Variants in UBE2H observed in about 807,000 individuals in gnomAD.
The protein encoded by UBE2H is ubiquitin conjugating enzyme E2 H, also known as ubiquitin-conjugating enzyme E2 H.
In UBE2H, 3 loss-of-function variants were observed where a neutral mutation model predicts 29.0. That is an observed-to-expected ratio of 0.10 (90% confidence interval 0.05 to 0.27). The LOEUF is 0.27. UBE2H is among the 10% of genes least tolerant of loss of function. The pLI, the probability that UBE2H is intolerant of heterozygous loss-of-function variation, is 1.00. For synonymous variants in UBE2H, 69 were observed against 82.9 expected (o/e 0.83, Z 0.91); for missense variants, 68 against 228.2 (o/e 0.30, Z 4.52).
intron 3 of UBE2H, among the ~76,000 whole-genome samples, chr7:129,871,141 T>TA (rs1288054430): frequency 1.1e-4 from 16 of 152,216 alleles, no homozygotes; most frequent in Admixed American, 2.6e-4. Flanking sequence ...CATAAAGTAT[T>TA]AAGAGAGCAA....
intron 1 of UBE2H, among the ~76,000 whole-genome samples, chr7:129,931,669 GAA>G (rs1464747972): frequency 1.3e-5 from 2 of 152,038 alleles, no homozygotes; most frequent in African/African-American, 4.8e-5. Context: ...AATGTAATTG[GAA>G]AAGAGTACTT....
chr7:129,893,662 A>T (rs1458852555), intron 1 of UBE2H, among the ~76,000 whole-genome samples: 2 of 152,252 alleles, frequency 1.3e-5, no homozygotes. Context: ...AAATATTTAG[A>T]AGCTAGAAGG....
chr7:129,896,116 C>T (rs1806595181), intron 1 of UBE2H, among the ~76,000 whole-genome samples: 1 of 151,836 alleles, frequency 6.6e-6, no homozygotes, highest in Non-Finnish European at 1.5e-5. Context: ...GCAGGTAGAT[C>T]ATCTGAGGTT....
rs1309628545 is a variant in UBE2H, at chr7:129,952,753, C to A, written c.-198G>T. The A allele has an allele frequency of 2.4e-6, 1 of 421,300 alleles. No individual in the cohort carries two copies. The allele number at this position is 421,300 out of a possible 1,614,324, so 26.1% of individuals were successfully genotyped here. ...CTGTCCGGCCGGGTGGGGGTGGGGA[C>A]CCTGCGGCGCCCGGCTCGGGCTGCC... On this transcript the variant is annotated 5_prime_UTR_variant, in exon 1 of 7. Coordinates refer to ENST00000355621, the MANE Select transcript of UBE2H (RefSeq NM_003344.4).
At chr7:129,899,337 A>G (rs1224297354) in intron 1 of UBE2H, among the ~76,000 whole-genome samples, 1 of 152,232 alleles carries the variant, frequency 6.6e-6, no homozygotes, top group Non-Finnish European at 1.5e-5. Context: ...TCTAACTACC[A>G]TCACCTAAGC....
At chr7:129,925,824 A>T (rs1807257327) in intron 1 of UBE2H, among the ~76,000 whole-genome samples, 1 of 152,152 alleles carries the variant, frequency 6.6e-6, no homozygotes, top group South Asian at 2.1e-4. Flanking sequence ...TGCACTGAAG[A>T]GGGCTGGGAA....
At chr7:129,865,255 A>G (rs1285975445) in intron 3 of UBE2H, among the ~76,000 whole-genome samples, 4 of 152,076 alleles carry the variant, frequency 2.6e-5, no homozygotes, top group African/African-American at 9.7e-5. Flanking sequence ...ACATTGTGCT[A>G]AGTCATGCTG....
intron 1 of UBE2H, among the ~76,000 whole-genome samples, chr7:129,887,811 G>A (rs1806394799): frequency 6.6e-6 from 1 of 151,996 alleles, no homozygotes; most frequent in African/African-American, 2.4e-5. Flanking sequence ...AGATTACGGT[G>A]AGCCAAAGTT....
chr7:129,837,620 G>A (rs1805354943), intron 6 of UBE2H, among the ~76,000 whole-genome samples: 1 of 151,784 alleles, frequency 6.6e-6, no homozygotes, highest in South Asian at 2.1e-4. Flanking sequence ...GAGGGGGCGG[G>A]GGGTTGGGGG....
chr7:129,872,768 G>T (rs1245821931), intron 3 of UBE2H, among the ~76,000 whole-genome samples: 2 of 148,648 alleles, frequency 1.3e-5, no homozygotes, highest in Non-Finnish European at 3.0e-5. Context: ...GCTTGAACCC[G>T]GGAGGCAGAG....
intron 1 of UBE2H, among the ~76,000 whole-genome samples, chr7:129,926,529 G>T (rs1349559123): frequency 1.3e-5 from 2 of 150,308 alleles, no homozygotes; most frequent in Non-Finnish European, 3.0e-5. Context: ...AAAGAAAAAA[G>T]AAACTCCTGG....
At chr7:129,858,978 C>T (rs1270176364) in intron 3 of UBE2H, 37 bp from the exon 4 acceptor site, 2 of 1,548,386 alleles carry the variant, frequency 1.3e-6, no homozygotes, top group African/African-American at 1.4e-5. Context: ...CAAAAAGTAT[C>T]CAGAGAACAA....
At chr7:129,863,550 G>C (rs928385623) in intron 3 of UBE2H, among the ~76,000 whole-genome samples, 1 of 152,156 alleles carries the variant, frequency 6.6e-6, no homozygotes, top group Non-Finnish European at 1.5e-5. Context: ...AGGAATTATG[G>C]GGAAATATCC....
At chr7:129,841,604 G>C (rs1254725878) in intron 5 of UBE2H, among the ~76,000 whole-genome samples, 2 of 152,188 alleles carry the variant, frequency 1.3e-5, no homozygotes, top group East Asian at 1.9e-4. Context: ...TGCAGGTCTA[G>C]AGAATGATGG....
At chr7:129,885,132 T>C (rs1256078803) in intron 1 of UBE2H, among the ~76,000 whole-genome samples, 1 of 152,062 alleles carries the variant, frequency 6.6e-6, no homozygotes, top group Non-Finnish European at 1.5e-5. Context: ...TGGTGTCCTC[T>C]TTCCAACCAG....
chr7:129,894,799 A>T (rs1019127849), intron 1 of UBE2H, among the ~76,000 whole-genome samples: 2 of 146,088 alleles, frequency 1.4e-5, no homozygotes. Context: ...CATACCCATC[A>T]TTTTTTTTTT....
At chr7:129,923,827 G>A (rs1439735520) in intron 1 of UBE2H, among the ~76,000 whole-genome samples, 3 of 152,102 alleles carry the variant, frequency 2.0e-5, no homozygotes, top group Admixed American at 2.0e-4. Flanking sequence ...AACAAGACAC[G>A]AGGGAACTGT....
At chr7:129,846,832 C>T (rs182693491) in intron 5 of UBE2H, among the ~76,000 whole-genome samples, 20 of 152,260 alleles carry the variant, frequency 1.3e-4, no homozygotes, top group African/African-American at 4.8e-4. Context: ...CTTACCCCAT[C>T]CCCTTTCTCC....
chr7:129,898,602 T>C (rs1196002823), intron 1 of UBE2H, among the ~76,000 whole-genome samples: 2 of 152,038 alleles, frequency 1.3e-5, no homozygotes, highest in African/African-American at 4.8e-5. Context: ...GTAAGAAAAC[T>C]TGACATTGAA....
Sources: gnomAD v4.1 joint callset for allele counts (sites outside exome capture counted in the v4.1 genomes callset) on GRCh38, gnomAD v4.1.1 for gene constraint, MANE v1.5 for transcripts, NCBI Gene and HGNC (gene_info 2026-07-23, HGNC 2026-07-21) for gene names.